Variants in LRRC43 observed in about 807,000 individuals in gnomAD.
LRRC43 encodes the protein leucine rich repeat containing 43, also known as leucine-rich repeat-containing protein 43.
LRRC43 carries 62 observed loss-of-function variants against 64.3 expected under a neutral mutation model. The ratio of observed to expected loss-of-function variants is 0.96; its 90% CI spans 0.79 to 1.19. The LOEUF (loss-of-function observed/expected upper bound fraction) is 1.19, where lower values mean the gene tolerates loss of function less well. Among genes scored for constraint, LRRC43 ranks in the 50% most tolerant of loss-of-function variants. The pLI, the probability that LRRC43 is intolerant of heterozygous loss-of-function variation, is 0.00. For synonymous variants in LRRC43, 422 were observed against 382.3 expected (o/e 1.10, Z -1.21); for missense variants, 868 against 845.0 (o/e 1.03, Z -0.34).
chr12:122,185,795 C>T lies in LRRC43; in HGVS notation c.412-395C>T, dbSNP rs184696120. ...TGAGGTCACAGGAACTGAGGAGTCA[C>T]GGATGGGTCACTGCAGCTTCTGGTC... On this transcript the variant is annotated intron_variant, in intron 2 of 11. Transcript: ENST00000339777. Among the ~76,000 whole-genome samples the T allele has an allele frequency of 2.6e-5, 4 of 152,270 alleles. No homozygotes were observed. In the South Asian group the frequency reaches 6.2e-4, roughly 24 times the overall value.
At chr12:122,186,054 T>G (rs1953639517) in intron 2 of LRRC43, 136 bp from the exon 3 acceptor site, 2 of 636,394 alleles carry the variant, frequency 3.1e-6, no homozygotes. Flanking sequence ...CAGGAACGGC[T>G]TCCGGGGAGC....
At chr12:122,193,874 C>T (rs527620093) in intron 7 of LRRC43, among the ~76,000 whole-genome samples, 6 of 152,272 alleles carry the variant, frequency 3.9e-5, no homozygotes, top group East Asian at 1.9e-4. Context: ...TTTCTTGAGT[C>T]GATCGAGACA....
intron 3 of LRRC43, chr12:122,187,408 C>T (rs1248299992): frequency 4.2e-5 from 13 of 306,414 alleles, no homozygotes; most frequent in Non-Finnish European, 7.3e-5. Flanking sequence ...AGACGCATTC[C>T]TATGGGTTGA....
intron 2 of LRRC43, 44 bp from the exon 3 acceptor site, chr12:122,186,146 T>G: frequency 9.0e-7 from 1 of 1,110,090 alleles, no homozygotes. Context: ...GTGCCCGTGC[T>G]CCCTCTCCTG....
At chr12:122,172,090 G>A (rs556163717) in intron 1 of LRRC43, 15 of 201,596 alleles carry the variant, frequency 7.4e-5, no homozygotes, top group African/African-American at 2.8e-4. Flanking sequence ...AGGGAGCATT[G>A]ACAACTCTTA....
chr12:122,192,293 T>C (rs1333445707), intron 6 of LRRC43, among the ~76,000 whole-genome samples: 2 of 152,148 alleles, frequency 1.3e-5, no homozygotes, highest in Non-Finnish European at 2.9e-5. Context: ...CGCGCCACCA[T>C]ACCTGGCTCA....
At chr12:122,194,162 T>G (rs1454106232) in intron 7 of LRRC43, among the ~76,000 whole-genome samples, 6 of 152,116 alleles carry the variant, frequency 3.9e-5, no homozygotes, top group Non-Finnish European at 8.8e-5. Flanking sequence ...AATTACTGCT[T>G]TATATAATCC....
At chr12:122,182,949 G>A, upstream of LRRC43, 1 of 829,942 alleles carries the variant, frequency 1.2e-6, no homozygotes, top group Non-Finnish European at 1.7e-6. Context: ...TACTGCCTGC[G>A]GGAGCTGCCG....
Position 122,200,735 on chromosome 12 carries a change from C to G in LRRC43, c.1621-11C>G. On this transcript the variant is annotated splice_polypyrimidine_tract_variant and intron_variant, in intron 9 of 11. Transcript: ENST00000339777. This position sits in a 1 kb window ranked among gnomAD's most constrained non-coding sequence, Gnocchi z 4.6. Reference sequence around the variant, plus strand: ...AACTTGTCCCACCCTCCTGTCCTCCCGTCGTCGCAGGAGTGGAAGGTGCTG... The same window carrying G: ...AACTTGTCCCACCCTCCTGTCCTCCGGTCGTCGCAGGAGTGGAAGGTGCTG... 1 of 1,612,900 alleles carries G rather than the reference C, an allele frequency of 6.2e-7. No homozygotes were observed. Among genetic ancestry groups the G allele is most frequent in the Non-Finnish European group, 8.5e-7 (1 of 1,179,842 alleles).
rs372295185 is a variant in LRRC43, at chr12:122,200,654, G to A, written c.1614G>A (p.Pro538=). The A allele has an allele frequency of 1.4e-5, 22 of 1,613,838 alleles. No homozygotes were observed. Among genetic ancestry groups the A allele is most frequent in the Admixed American group, 3.3e-5 (2 of 59,986 alleles). The change falls in exon 9 of 12, where the codon CCG becomes CCA. Residue 538 remains proline (P), a synonymous_variant. Coordinates refer to ENST00000339777, the MANE Select transcript of LRRC43 (RefSeq NM_001098519.2). The surrounding 1 kb of genome is among the most constrained non-coding windows in gnomAD (Gnocchi z 4.6). ...KDRTGKGEKE[P]AKEWKVLKKK... ...GGACGGGGAAAGGAGAGAAAGAGCC[G>A]GCCAAGGTACCGGGCCTTGGTGCTG... is the stretch of plus-strand genomic sequence containing the variant.
In LRRC43 at chr12:122,184,396, C is replaced by G; in HGVS notation, c.151-123C>G. On this transcript the variant is annotated intron_variant, in intron 1 of 11. Transcript: ENST00000339777. This position sits in a 1 kb window ranked among gnomAD's most constrained non-coding sequence, Gnocchi z 4.0. ...GGCATGAGCCACCGCACCTGGCCTA[C>G]TCTCTAGATTTCTAAACTCTATCCC... 1 of 1,285,714 alleles carries G rather than the reference C, an allele frequency of 7.8e-7. No individual in the cohort carries two copies. Among genetic ancestry groups the G allele is most frequent in the Admixed American group, 2.5e-5 (1 of 39,636 alleles). The allele number at this position is 1,285,714 out of a possible 1,614,324, so 79.6% of individuals were successfully genotyped here. A position where few individuals can be genotyped will look rare whatever the true frequency, so the allele number is the denominator to read the frequency against.
At chr12:122,183,064 T>A (rs1459321776), upstream of LRRC43, 12 of 1,471,964 alleles carry the variant, frequency 8.2e-6, no homozygotes, top group Admixed American at 2.5e-4. Flanking sequence ...GACTTTTCCC[T>A]CGGGGCAGGT....
chr12:122,182,381 G>A (rs1485653319), upstream of LRRC43, among the ~76,000 whole-genome samples: 1 of 152,084 alleles, frequency 6.6e-6, no homozygotes, highest in Non-Finnish European at 1.5e-5. Context: ...CATTAGCGGG[G>A]CGTTGTGGCA....
At chr12:122,173,970 A>G (rs377421944) in intron 1 of LRRC43, 2 of 1,614,026 alleles carry the variant, frequency 1.2e-6, no homozygotes, top group African/African-American at 1.3e-5. Flanking sequence ...AGCAGAACAG[A>G]AAGAGCACAG....
At position 122,200,327 on chromosome 12, in the gene LRRC43, G is replaced by C. The variant is rs759596085; in HGVS notation, c.1488G>C (p.Glu496Asp). 6 of 1,610,726 alleles carry C rather than the reference G, an allele frequency of 3.7e-6. No homozygotes were observed. ...GGACCACCGTGACCATCGTGGAGGA[G>C]AAGGTGGGCAGGCGGAGGCAGTGCC... ...LAGTTVTIVE[E>D]KILSWPVVLP... Residue 496 changes from glutamate to aspartate, a missense_variant, in exon 8 of 12, where the codon GAG becomes GAC. Coordinates refer to ENST00000339777, the MANE Select transcript of LRRC43 (RefSeq NM_001098519.2). The surrounding 1 kb of genome is among the most constrained non-coding windows in gnomAD (Gnocchi z 4.6).
chr12:122,201,183 C>T (rs1953834759), intron 10 of LRRC43, 113 bp from the exon 11 acceptor site: 3 of 1,167,432 alleles, frequency 2.6e-6, no homozygotes, highest in Admixed American at 1.9e-5. Flanking sequence ...ACCAGGAGAC[C>T]CCCGCCTTCC....
chr12:122,193,336 G>A (rs1251124146), intron 7 of LRRC43, among the ~76,000 whole-genome samples: 1 of 139,196 alleles, frequency 7.2e-6, no homozygotes. Context: ...AGCCGAGATC[G>A]TGCCACTGCG....
intron 4 of LRRC43, chr12:122,189,436 G>T: frequency 2.2e-6 from 1 of 456,704 alleles, no homozygotes. Context: ...GGGATTGGGA[G>T]ATGCTGTGCT....
At position 122,203,388 on chromosome 12, in the gene LRRC43, C is replaced by A. The variant is rs993920383; in HGVS notation, c.1917C>A (p.Ile639=). Residue 639 remains isoleucine (I), a synonymous_variant, in exon 12 of 12, where the codon ATC becomes ATA. Transcript: ENST00000339777. The stretch of plus-strand genomic sequence containing the variant: ...AGCCCCTGACCGTAGAGGTGCAGAT[C>A]CAGCTGAACCAGTGCCGCTCGGCGG... The part of the protein sequence containing the change: ...HPEPLTVEVQ[I]QLNQCRSAEE... 1.3e-5 allele frequency: 21 copies of A among 1,612,970 alleles called. No homozygotes were observed. Among genetic ancestry groups the A allele is most frequent in the Non-Finnish European group, 1.7e-5 (20 of 1,179,830 alleles).
Sources: allele counts gnomAD v4.1 joint callset (sites outside exome capture counted in the v4.1 genomes callset), GRCh38; gene constraint gnomAD v4.1.1; non-coding constraint Gnocchi (gnomAD v3.1); transcripts MANE v1.5; gene names NCBI Gene and HGNC (gene_info 2026-07-23, HGNC 2026-07-21).